MRPS11: variants seen among roughly 807,000 people sequenced by gnomAD.
MRPS11 encodes small ribosomal subunit protein uS11m.
MRPS11 carries 27 observed loss-of-function variants against 24.3 expected under a neutral mutation model. The observed-to-expected ratio is 1.11, with a 90% confidence interval of 0.82 to 1.53. The LOEUF is 1.53. MRPS11 is among the 40% of genes most tolerant of loss of function. MRPS11 has a pLI of 0.00. For synonymous variants in MRPS11, 104 were observed against 98.7 expected, an observed-to-expected ratio of 1.05 and a Z score of -0.32; for missense variants, 277 against 256.5, an observed-to-expected ratio of 1.08 and a Z score of -0.55.
intron 3 of MRPS11, 122 bp from the exon 4 acceptor site, chr15:88,474,988 T>C: frequency 1.7e-6 from 2 of 1,184,086 alleles, no homozygotes; most frequent in East Asian, 2.5e-5. Context: ...TCTGAGAAGC[T>C]CAAAGTAGAA....
intron 4 of MRPS11, 123 bp from the exon 5 acceptor site, chr15:88,476,866 C>A (rs755569093): frequency 3.2e-6 from 3 of 924,608 alleles, no homozygotes; most frequent in Non-Finnish European, 5.1e-6. Context: ...CTTTGCCTCC[C>A]TGTTTACTTC....
chr15:88,468,688 G>T, intron 2 of MRPS11: 1 of 220,342 alleles, frequency 4.5e-6, no homozygotes, highest in Non-Finnish European at 7.7e-6. Context: ...ATGGAGGTAA[G>T]CATTGGTTGG....
At position 88,475,199 on chromosome 15, in the gene MRPS11, C is replaced by T; in HGVS notation, c.371C>T (p.Thr124Ile). 1 of 1,614,236 alleles carries T rather than the reference C, an allele frequency of 6.2e-7. No individual in the cohort carries two copies. Among genetic ancestry groups the T allele is most frequent in the Non-Finnish European group, 8.5e-7 (1 of 1,180,032 alleles). Residue 124 changes from threonine to isoleucine, a missense_variant, in exon 4 of 6, where the codon ACA becomes ATA. Thr to Ile is a moderately conservative substitution (Grantham distance 89, BLOSUM62 -1). Transcript: ENST00000325844. This position sits in a 1 kb window ranked among gnomAD's most constrained non-coding sequence, Gnocchi z 4.1. ...GGATTTCGGAATGCCAAGAAGGGCA[C>T]AGGCATCGCAGCACAGACAGCAGGC... ...TEGFRNAKKGTGIAAQTAGIA... is the reference protein window; with the variant it reads ...TEGFRNAKKGIGIAAQTAGIA...
chr15:88,468,236 A>G, intron 2 of MRPS11: 1 of 1,396,352 alleles, frequency 7.2e-7, no homozygotes, highest in East Asian at 2.7e-5. Flanking sequence ...TACAGAGTAA[A>G]TGTTCAGTGA....
chr15:88,474,527 C>A (rs2055780680), intron 3 of MRPS11, among the ~76,000 whole-genome samples: 1 of 147,260 alleles, frequency 6.8e-6, no homozygotes, highest in African/African-American at 2.7e-5. Flanking sequence ...CCATTGCACT[C>A]CAGCCTGGGC....
chr15:88,478,093 G>T lies in MRPS11; in HGVS notation c.*114G>T. 2.4e-6 allele frequency: 2 copies of T among 833,054 alleles called. No individual in the cohort carries two copies. 51.6% of individuals were successfully genotyped at this position (833,054 alleles called of 1,614,324 possible). A position where few individuals can be genotyped will look rare whatever the true frequency, so the allele number is the denominator to read the frequency against. The stretch of plus-strand genomic sequence containing the variant: ...ATGCTTGTTGGAGATCCTTCAGGCA[G>T]TAAGGGAGAGTTTTGCCTCCTTACA... On this transcript the variant is annotated 3_prime_UTR_variant, in exon 6 of 6. Coordinates refer to ENST00000325844, the MANE Select transcript of MRPS11 (RefSeq NM_022839.5). This position sits in a 1 kb window ranked among gnomAD's most constrained non-coding sequence, Gnocchi z 4.7.
chr15:88,476,443 C>T (rs1320665163), intron 4 of MRPS11, among the ~76,000 whole-genome samples: 2 of 152,150 alleles, frequency 1.3e-5, no homozygotes, highest in East Asian at 1.9e-4. Flanking sequence ...CATCAGAAAT[C>T]AAAATGCTGT....
rs1453611299 is a variant in MRPS11 at position 88,475,921 on chromosome 15, C to T, written c.411+682C>T. On this transcript the variant is annotated intron_variant, in intron 4 of 5. Coordinates refer to ENST00000325844, the MANE Select transcript of MRPS11 (RefSeq NM_022839.5). The surrounding 1 kb of genome is among the most constrained non-coding windows in gnomAD (Gnocchi z 4.1). The stretch of plus-strand genomic sequence containing the variant: ...GCAGTGACTCGAGATCACACCACTG[C>T]ACTCCAGCCTGGTGACAGAGCGAGA... Among the ~76,000 whole-genome samples the T allele has an allele frequency of 6.6e-6, 1 of 152,050 alleles. No individual in the cohort carries two copies.
chr15:88,474,125 A>G (rs2055771427), intron 3 of MRPS11, among the ~76,000 whole-genome samples: 1 of 152,150 alleles, frequency 6.6e-6, no homozygotes, highest in African/African-American at 2.4e-5. Flanking sequence ...GCAGTGAGCT[A>G]TGATTGTGCC....
At chr15:88,474,929 G>A (rs2055789479) in intron 3 of MRPS11, 181 bp from the exon 4 acceptor site, 1 of 653,066 alleles carries the variant, frequency 1.5e-6, no homozygotes, top group Admixed American at 3.3e-5. Context: ...GTTTAGGGGA[G>A]AATTCTGACC....
In MRPS11 at chr15:88,477,562, T is replaced by C. The variant is rs1251455198; in HGVS notation, c.478-310T>C. Among the ~76,000 whole-genome samples the C allele has an allele frequency of 1.3e-5, 2 of 152,158 alleles. No individual in the cohort carries two copies. Among genetic ancestry groups the C allele is most frequent in the African/African-American group, 4.8e-5 (2 of 41,426 alleles). Reference sequence around the variant, plus strand: ...GGCAGAGAAAACTGCCTGAGTAAGCTACAGAAGTATGATACCCAAGGTGTG... The same window carrying C: ...GGCAGAGAAAACTGCCTGAGTAAGCCACAGAAGTATGATACCCAAGGTGTG... On this transcript the variant is annotated intron_variant, in intron 5 of 5. Coordinates refer to ENST00000325844, the MANE Select transcript of MRPS11 (RefSeq NM_022839.5). This position sits in a 1 kb window ranked among gnomAD's most constrained non-coding sequence, Gnocchi z 5.7.
At position 88,467,734 on chromosome 15, in the gene MRPS11, A is replaced by T. The variant is rs371970512; in HGVS notation, c.17A>T (p.Asn6Ile). The change falls in exon 1 of 6, where the codon AAC becomes ATC. Residue 6 changes from asparagine (N) to isoleucine (I), a missense_variant. Transcript: ENST00000325844. ...ATTCAAGTCATGCAGGCTGTGAGAA[A>T]CGCGGGGTCGCGGTTCCTGCGGTCC... The part of the protein sequence containing the change: MQAVR[N>I]AGSRFLRSWT... 4.3e-6 allele frequency: 7 copies of T among 1,613,980 alleles called. No homozygotes were observed. The highest frequency in any genetic ancestry group is 5.1e-6 in the Non-Finnish European group (6 of 1,180,004).
chr15:88,470,441 A>G (rs2142209325), intron 2 of MRPS11, among the ~76,000 whole-genome samples: 1 of 152,356 alleles, frequency 6.6e-6, no homozygotes, highest in South Asian at 2.1e-4. Context: ...AATACCATAA[A>G]TGTAGATGAA....
Position 88,469,518 on chromosome 15 carries a change from G to T in MRPS11, c.182+1494G>T, listed in dbSNP as rs2055640014. On this transcript the variant is annotated intron_variant, in intron 2 of 5. Coordinates refer to ENST00000325844, the MANE Select transcript of MRPS11 (RefSeq NM_022839.5). This position sits in a 1 kb window ranked among gnomAD's most constrained non-coding sequence, Gnocchi z 4.4. ...GGAAAGGGGAAGTGGGGGTCAAGCA[G>T]GCCTGCATAGCCACATTCTGTAGGA... 6.6e-6 allele frequency among the ~76,000 whole-genome samples: 1 copy of T among 152,198 alleles called. No individual in the cohort carries two copies. The highest frequency in any genetic ancestry group is 6.5e-5 in the Admixed American group (1 of 15,282).
rs181758790 is a variant in MRPS11, at chr15:88,475,423, C to T, written c.411+184C>T. On this transcript the variant is annotated intron_variant, in intron 4 of 5. Transcript: ENST00000325844. The surrounding 1 kb of genome is among the most constrained non-coding windows in gnomAD (Gnocchi z 4.1). ...TGAAAGGCTCCTCTTTTTTCTTTCTCTCAGCTTCATTAGAGGTGAAGCCCT... is the reference window on the plus strand; with the variant it reads ...TGAAAGGCTCCTCTTTTTTCTTTCTTTCAGCTTCATTAGAGGTGAAGCCCT... Among the ~76,000 whole-genome samples, 3 of 152,222 alleles carry T rather than the reference C, an allele frequency of 2.0e-5. No individual in the cohort carries two copies. Among genetic ancestry groups the T allele is most frequent in the Admixed American group, 2.0e-4 (3 of 15,296 alleles).
intron 2 of MRPS11, among the ~76,000 whole-genome samples, chr15:88,471,759 A>C (rs2055708914): frequency 6.6e-6 from 1 of 152,244 alleles, no homozygotes; most frequent in Non-Finnish European, 1.5e-5. Context: ...AAATAGCCAG[A>C]AGACAGCTTG....
chr15:88,475,755 G>A lies in MRPS11; in HGVS notation c.411+516G>A, dbSNP rs951260263. On this transcript the variant is annotated intron_variant, in intron 4 of 5. Transcript: ENST00000325844. The surrounding 1 kb of genome is among the most constrained non-coding windows in gnomAD (Gnocchi z 4.1). ...GAGGCCAAGGCAGGCGTAAGAGATC[G>A]AGACCATCCTGGCCAACATGGTGAA... Among the ~76,000 whole-genome samples, 3 of 152,046 alleles carry A rather than the reference G, an allele frequency of 2.0e-5. No homozygotes were observed. Among genetic ancestry groups the A allele is most frequent in the African/African-American group, 4.8e-5 (2 of 41,402 alleles).
chr15:88,468,627 G>A (rs1330573350), intron 2 of MRPS11: 2 of 496,960 alleles, frequency 4.0e-6, no homozygotes, highest in Non-Finnish European at 2.6e-6. Flanking sequence ...CACAGTCTTT[G>A]AGGGAAGACA....
Position 88,469,778 on chromosome 15 carries a change from G to A in MRPS11, c.182+1754G>A, listed in dbSNP as rs1422324660. 6.6e-6 allele frequency among the ~76,000 whole-genome samples: 1 copy of A among 152,172 alleles called. No homozygotes were observed. Among genetic ancestry groups the A allele is most frequent in the Non-Finnish European group, 1.5e-5 (1 of 68,034 alleles). On this transcript the variant is annotated intron_variant, in intron 2 of 5. Coordinates refer to ENST00000325844, the MANE Select transcript of MRPS11 (RefSeq NM_022839.5). The surrounding 1 kb of genome is among the most constrained non-coding windows in gnomAD (Gnocchi z 4.4). ...AGAAACAATGGTGGCTTGGACCATG[G>A]TTATTGCCATGGAGGTATTATGAAT...
Sources: allele counts gnomAD v4.1 joint callset (sites outside exome capture counted in the v4.1 genomes callset), GRCh38; gene constraint gnomAD v4.1.1; non-coding constraint Gnocchi (gnomAD v3.1); transcripts MANE v1.5; gene names NCBI Gene and HGNC (gene_info 2026-07-23, HGNC 2026-07-21).